The following NUP205 variants were observed in gnomAD, a reference collection of about 807,000 sequenced individuals.
The protein encoded by NUP205 is nuclear pore complex protein Nup205.
NUP205 carries 76 observed loss-of-function variants against 253.8 expected under a neutral mutation model. That is an observed-to-expected ratio of 0.30 (90% CI 0.25 to 0.36). The LOEUF (loss-of-function observed/expected upper bound fraction) is 0.36. Ranked by LOEUF, NUP205 falls within the 10% of genes least tolerant of loss-of-function variation. The pLI is 1.00. For synonymous variants in NUP205, 832 were observed against 850.1 expected, an observed-to-expected ratio of 0.98 and a Z score of 0.37; for missense variants, 2,162 against 2,425.5, an observed-to-expected ratio of 0.89 and a Z score of 2.28.
intron 1 of NUP205, among the ~76,000 whole-genome samples, chr7:135,560,574 A>T (rs1036610103): frequency 2.0e-5 from 3 of 152,236 alleles, no homozygotes; most frequent in African/African-American, 7.2e-5. Context: ...TATACATGCA[A>T]TATGCATAAT....
Position 135,643,243 on chromosome 7 carries a change from T to C in NUP205, c.5444T>C (p.Ile1815Thr), listed in dbSNP as rs1423121690. 2.5e-6 allele frequency: 4 copies of C among 1,614,024 alleles called. No individual in the cohort carries two copies. In the African/African-American group the frequency reaches 4.0e-5, roughly 16 times the overall value. ...PYWRLPGLGI[I>T]IYLLKQSAND... ...TGGCGCCTGCCTGGTTTAGGCATTA[T>C]CATCTACCTGCTGAAACAGAGTGCT... Residue 1815 changes from isoleucine to threonine, a missense_variant, in exon 39 of 43, where the codon ATC (isoleucine) becomes ACC (threonine). Around this residue, in one of 5 missense-constraint regions of NUP205, gnomAD observed 1,144 missense variants for 1,280.9 expected, o/e 0.89. Transcript: ENST00000285968.
Position 135,577,983 on chromosome 7 carries a change from T to G in NUP205, c.836T>G (p.Phe279Cys), listed in dbSNP as rs374274886. Residue 279 changes from phenylalanine (F) to cysteine (C), a missense_variant, in exon 6 of 43, where the codon TTT becomes TGT. Coordinates refer to ENST00000285968, the MANE Select transcript of NUP205 (RefSeq NM_015135.3). Reference protein sequence around the residue: ...LALLMALLYCFDISFIEQSTE... With the variant: ...LALLMALLYCCDISFIEQSTE... ...CTTCTTATGGCGCTTCTATACTGTT[T>G]TGATATCAGTTTTATAGAGCAAAGC... 5.0e-5 allele frequency: 81 copies of G among 1,613,856 alleles called. No individual in the cohort carries two copies. Among genetic ancestry groups the G allele is most frequent in the Non-Finnish European group, 6.9e-5 (81 of 1,179,884 alleles).
intron 17 of NUP205, among the ~76,000 whole-genome samples, chr7:135,602,266 A>C (rs1407172338): frequency 6.6e-6 from 1 of 152,244 alleles, no homozygotes; most frequent in Non-Finnish European, 1.5e-5. Context: ...TGGTAAGATT[A>C]TAGGTGATCC....
chr7:135,633,559 C>T (rs921058451), intron 35 of NUP205, among the ~76,000 whole-genome samples: 2 of 152,054 alleles, frequency 1.3e-5, no homozygotes, highest in Non-Finnish European at 2.9e-5. Flanking sequence ...TTTACATATG[C>T]ATTCATGAAC....
chr7:135,620,167 G>C (rs1423511561), intron 30 of NUP205, among the ~76,000 whole-genome samples: 1 of 152,148 alleles, frequency 6.6e-6, no homozygotes, highest in South Asian at 2.1e-4. Context: ...ACTGAACAGT[G>C]TGCTCTACAT....
At chr7:135,560,784 T>G (rs939736342) in intron 1 of NUP205, among the ~76,000 whole-genome samples, 8 of 152,038 alleles carry the variant, frequency 5.3e-5, no homozygotes, top group Non-Finnish European at 1.0e-4. Context: ...GTCATACTCA[T>G]AGAAACAGAA....
At position 135,648,645 on chromosome 7, in the gene NUP205, A is replaced by G. The variant is rs951938664; in HGVS notation, c.*89A>G. The G allele has an allele frequency of 3.6e-6, 4 of 1,104,088 alleles. No homozygotes were observed. The African/African-American group carries it at 6.4e-5, about 18-fold the overall frequency. 68.4% of individuals were successfully genotyped at this position (1,104,088 alleles called of 1,614,324 possible). ...ATTAGTTTCTTTCTAAATTATGACC[A>G]AAAATATTTTGCTATTTCTTTCTTT... On this transcript the variant is annotated 3_prime_UTR_variant, in exon 43 of 43. Transcript: ENST00000285968.
At chr7:135,615,728 T>C (rs1794342070) in intron 23 of NUP205, among the ~76,000 whole-genome samples, 188 bp from the exon 24 acceptor site, 1 of 152,182 alleles carries the variant, frequency 6.6e-6, no homozygotes, top group South Asian at 2.1e-4. Flanking sequence ...TACTAGCTTA[T>C]TTTTTTCTTT....
intron 42 of NUP205, among the ~76,000 whole-genome samples, chr7:135,647,801 T>C (rs1795038233): frequency 9.3e-6 from 1 of 107,372 alleles, no homozygotes; most frequent in Non-Finnish European, 2.2e-5. Context: ...AACAGGTAGA[T>C]TGATCTAATA....
rs539382942 is a variant in NUP205 at position 135,616,178 on chromosome 7, T to C, written c.3460+113T>C. The C allele has an allele frequency of 8.4e-6, 8 of 952,784 alleles. No homozygotes were observed. The African/African-American group carries it at 1.0e-4, about 12-fold the overall frequency. 59.0% of individuals were successfully genotyped at this position (952,784 alleles called of 1,614,324 possible). A position where few individuals can be genotyped will look rare whatever the true frequency, so the allele number is the denominator to read the frequency against. On this transcript the variant is annotated intron_variant, in intron 24 of 42. Transcript: ENST00000285968. The stretch of plus-strand genomic sequence containing the variant: ...ATAGACCAAAACTATCTTCTCACTT[T>C]TAGAATTTTTTTTTCTTAAAACACA...
intron 15 of NUP205, among the ~76,000 whole-genome samples, chr7:135,599,853 C>T (rs1793926455): frequency 6.6e-6 from 1 of 152,176 alleles, no homozygotes; most frequent in Non-Finnish European, 1.5e-5. Flanking sequence ...GCTGCTCACA[C>T]AAACAGTGCT....
chr7:135,567,425 C>CAAAAA (rs760535798), intron 1 of NUP205, among the ~76,000 whole-genome samples: 2 of 65,024 alleles, frequency 3.1e-5, no homozygotes, highest in Non-Finnish European at 5.6e-5. Context: ...CTGTCTATAC[C>CAAAAA]AAAAAAAAAA....
At chr7:135,582,734 A>T (rs1051610157) in intron 7 of NUP205, among the ~76,000 whole-genome samples, 2 of 149,248 alleles carry the variant, frequency 1.3e-5, no homozygotes. Flanking sequence ...TGTTGGGATT[A>T]CAGGCATGAG....
At chr7:135,569,141 G>T (rs1805871659) in intron 1 of NUP205, among the ~76,000 whole-genome samples, 1 of 152,152 alleles carries the variant, frequency 6.6e-6, no homozygotes, top group African/African-American at 2.4e-5. Flanking sequence ...CACGATCTCG[G>T]CTCACTCCAA....
In NUP205 at chr7:135,606,859, A is replaced by G. The variant is rs771428750; in HGVS notation, c.3014A>G (p.Tyr1005Cys). 6.2e-7 allele frequency: 1 copy of G among 1,613,944 alleles called. No homozygotes were observed. Among genetic ancestry groups the G allele is most frequent in the Non-Finnish European group, 8.5e-7 (1 of 1,179,904 alleles). Residue 1005 changes from tyrosine (Y) to cysteine (C), a missense_variant, in exon 21 of 43, where the codon TAC (tyrosine) becomes TGC (cysteine). Transcript: ENST00000285968. ...LECNPPNLAL[Y>C]LLGFELKKPV... Reference sequence around the variant, plus strand: ...TGCAATCCACCCAATCTTGCTCTCTACCTGTTGGGCTTTGAATTGAAAAAA... The same window carrying G: ...TGCAATCCACCCAATCTTGCTCTCTGCCTGTTGGGCTTTGAATTGAAAAAA...
chr7:135,606,215 G>C lies in NUP205; in HGVS notation c.2894G>C (p.Arg965Pro). ...LDCEDAEEFV[R>P]LEEGSELEKK... ...TGTGAAGATGCAGAAGAATTTGTAC[G>C]TCTGGAAGAGGGTATGCCTTAGATT... The change falls in exon 20 of 43, where the codon CGT becomes CCT. Residue 965 changes from arginine to proline, a missense_variant. Physicochemically the swap from Arg to Pro is moderately radical, Grantham distance 103. Coordinates refer to ENST00000285968, the MANE Select transcript of NUP205 (RefSeq NM_015135.3). 6.2e-7 allele frequency: 1 copy of C among 1,607,442 alleles called. No individual in the cohort carries two copies. Among genetic ancestry groups the C allele is most frequent in the Non-Finnish European group, 8.5e-7 (1 of 1,174,182 alleles).
At chr7:135,619,218 C>G (rs1437379052) in intron 28 of NUP205, among the ~76,000 whole-genome samples, 1 of 151,770 alleles carries the variant, frequency 6.6e-6, no homozygotes, top group Non-Finnish European at 1.5e-5. Flanking sequence ...ATGGTGTGCA[C>G]CTGTAGTCAC....
chr7:135,628,009 T>C lies in NUP205; in HGVS notation c.4830T>C (p.Pro1610=), dbSNP rs1794631199. The change falls in exon 34 of 43, where the codon CCT becomes CCC. Residue 1610 remains proline (P), a synonymous_variant. Transcript: ENST00000285968. ...TGAGAGACCCTCCAATGTTCATCCC[T>C]ACCCCAGTGGATCGCTACCGCCAGA... The part of the protein sequence containing the change: ...FGMRDPPMFI[P]TPVDRYRQIL... 1.9e-6 allele frequency: 3 copies of C among 1,612,258 alleles called. No homozygotes were observed. Among genetic ancestry groups the C allele is most frequent in the African/African-American group, 2.7e-5 (2 of 74,346 alleles).
chr7:135,647,510 A>AGTTT (rs932023805), intron 42 of NUP205, among the ~76,000 whole-genome samples: 20 of 152,250 alleles, frequency 1.3e-4, no homozygotes, highest in Non-Finnish European at 8.8e-5. Context: ...ATTATTCAGA[A>AGTTT]GTTTGTTTGT....
Sources: allele counts gnomAD v4.1 joint callset (sites outside exome capture counted in the v4.1 genomes callset), GRCh38; gene constraint gnomAD v4.1.1; regional missense constraint gnomAD v4.1.1; transcripts MANE v1.5; gene names NCBI Gene and HGNC (gene_info 2026-07-23, HGNC 2026-07-21).